The following ABL1 variants were observed in gnomAD, a reference collection of about 807,000 sequenced individuals.
ABL1 encodes ABL proto-oncogene 1, non-receptor tyrosine kinase, also known as tyrosine-protein kinase ABL1.
ABL1 carries 11 observed loss-of-function variants against 94.7 expected under a neutral mutation model. The observed-to-expected ratio is 0.12, with a 90% CI of 0.07 to 0.19. The LOEUF is 0.19. Among genes scored for constraint, ABL1 ranks in the 10% least tolerant of loss-of-function variants. The pLI is 1.00. For missense variants in ABL1, 1,082 were observed against 1,489.4 expected (o/e 0.73, Z 4.50); for synonymous variants, 656 against 622.4 (o/e 1.05, Z -0.80).
At chr9:130,760,225 G>C (rs1439200621) in intron 1 of ABL1, among the ~76,000 whole-genome samples, 1 of 152,034 alleles carries the variant, frequency 6.6e-6, no homozygotes, top group Non-Finnish European at 1.5e-5. Flanking sequence ...TGGTGCTGTT[G>C]GGATGTCATT....
chr9:130,809,099 C>T (rs1280420699), intron 1 of ABL1, among the ~76,000 whole-genome samples: 1 of 152,116 alleles, frequency 6.6e-6, no homozygotes, highest in Non-Finnish European at 1.5e-5. Context: ...CTAGAGTTCA[C>T]AGGCAGAGAA....
intron 1 of ABL1, among the ~76,000 whole-genome samples, chr9:130,805,329 C>T (rs934019687): frequency 1.3e-5 from 2 of 152,188 alleles, no homozygotes; most frequent in Non-Finnish European, 2.9e-5. Flanking sequence ...TCACCCACCT[C>T]GGCCTCCCAA....
intron 1 of ABL1, among the ~76,000 whole-genome samples, chr9:130,829,577 A>G (rs1275873683): frequency 8.6e-5 from 13 of 152,004 alleles, no homozygotes; most frequent in South Asian, 8.3e-4. Context: ...AAAAAAAAAA[A>G]AAAAAAAAGT....
chr9:130,851,382 T>C (rs541613555), intron 1 of ABL1, among the ~76,000 whole-genome samples: 1 of 152,302 alleles, frequency 6.6e-6, no homozygotes, highest in African/African-American at 2.4e-5. Context: ...AATTTAGGAC[T>C]TACCCTTTCA....
chr9:130,877,238 A>G (rs1243054516), intron 7 of ABL1, among the ~76,000 whole-genome samples: 1 of 148,488 alleles, frequency 6.7e-6, no homozygotes, highest in Non-Finnish European at 1.5e-5. Context: ...TCAAATGACA[A>G]GCTATTGCAG....
intron 1 of ABL1, among the ~76,000 whole-genome samples, chr9:130,818,339 G>T (rs1406133146): frequency 2.0e-5 from 3 of 152,108 alleles, no homozygotes; most frequent in South Asian, 2.1e-4. Flanking sequence ...ACATCGTGGC[G>T]CATGCCTGTA....
chr9:130,799,114 C>T (rs1161557227), intron 1 of ABL1, among the ~76,000 whole-genome samples: 1 of 151,974 alleles, frequency 6.6e-6, no homozygotes, highest in Non-Finnish European at 1.5e-5. Flanking sequence ...TCTGTAAAGC[C>T]AGGGGAGTCA....
chr9:130,728,410 G>A (rs1831618307), intron 1 of ABL1, among the ~76,000 whole-genome samples: 1 of 136,324 alleles, frequency 7.3e-6, no homozygotes, highest in South Asian at 2.4e-4. Flanking sequence ...TTTTGAGACA[G>A]TGTTTTGCTC....
chr9:130,743,282 A>C (rs534989074), intron 1 of ABL1, among the ~76,000 whole-genome samples: 1 of 152,316 alleles, frequency 6.6e-6, no homozygotes, highest in African/African-American at 2.4e-5. Flanking sequence ...CGTGTTAGCC[A>C]GGCTGGACTT....
At chr9:130,844,991 A>G (rs372389190) in intron 1 of ABL1, among the ~76,000 whole-genome samples, 16 of 152,346 alleles carry the variant, frequency 1.1e-4, no homozygotes, top group Admixed American at 4.6e-4. Flanking sequence ...CCAGACTCCC[A>G]GGGTCTTCCA....
At chr9:130,867,902 A>G (rs1294387242) in intron 4 of ABL1, among the ~76,000 whole-genome samples, 1 of 149,376 alleles carries the variant, frequency 6.7e-6, no homozygotes, top group Non-Finnish European at 1.5e-5. Flanking sequence ...TGGAGTGTGA[A>G]TCGCCTTCCT....
At chr9:130,812,956 G>A (rs1588248952) in intron 1 of ABL1, among the ~76,000 whole-genome samples, 1 of 152,352 alleles carries the variant, frequency 6.6e-6, no homozygotes, top group East Asian at 1.9e-4. Context: ...GCTCACGCCT[G>A]TAATCCCAGC....
chr9:130,846,730 T>C (rs1022064364), intron 1 of ABL1, among the ~76,000 whole-genome samples: 3 of 152,244 alleles, frequency 2.0e-5, no homozygotes, highest in Admixed American at 2.0e-4. Context: ...GGTACTGGGG[T>C]TCATGGGCAT....
chr9:130,716,025 TAC>T lies in ABL1; in HGVS notation c.136+1586_136+1587del, dbSNP rs3076833. On this transcript the variant is annotated intron_variant, in intron 1 of 10. Transcript: ENST00000372348. The stretch of plus-strand genomic sequence containing the variant: ...CAGTTAAACAAACTAAATATATATA[TAC>T]ACACACACACACACATATATATCCA... Among the ~76,000 whole-genome samples the T allele has an allele frequency of 8.2e-3, 1,188 of 144,904 alleles. 15 individuals are homozygous for T. Among genetic ancestry groups the T allele is most frequent in the African/African-American group, 0.027 (1,091 of 40,046 alleles).
chr9:130,819,119 C>T (rs1304099786), intron 1 of ABL1, among the ~76,000 whole-genome samples: 2 of 152,052 alleles, frequency 1.3e-5, no homozygotes, highest in African/African-American at 2.4e-5. Flanking sequence ...TTTGGGAGGC[C>T]GAGGCGGTTA....
chr9:130,735,035 G>A (rs1831716858), intron 1 of ABL1, among the ~76,000 whole-genome samples: 1 of 151,552 alleles, frequency 6.6e-6, no homozygotes, highest in African/African-American at 2.4e-5. Context: ...AACTTTTTTT[G>A]TTGTGTTTTT....
exon 1 of ABL1, among the ~76,000 whole-genome samples, chr9:130,713,498 C>T (rs1196170242): frequency 6.7e-6 from 1 of 149,494 alleles, no homozygotes; most frequent in Non-Finnish European, 1.5e-5. Flanking sequence ...CCAAGCCGCC[C>T]CTTATTCCGG....
intron 1 of ABL1, among the ~76,000 whole-genome samples, chr9:130,803,329 C>T (rs1192013499): frequency 1.3e-5 from 2 of 152,134 alleles, no homozygotes; most frequent in African/African-American, 4.8e-5. Context: ...AGAGCCACTG[C>T]GCCCAGCCGG....
chr9:130,731,977 C>G (rs1011235495), intron 1 of ABL1, among the ~76,000 whole-genome samples: 1 of 151,266 alleles, frequency 6.6e-6, no homozygotes, highest in Non-Finnish European at 1.5e-5. Flanking sequence ...TTTCAACTTT[C>G]AAAATACCTG....
Sources: allele counts gnomAD v4.1 joint callset (sites outside exome capture counted in the v4.1 genomes callset), GRCh38; gene constraint gnomAD v4.1.1; transcripts MANE v1.5; gene names NCBI Gene and HGNC (gene_info 2026-07-23, HGNC 2026-07-21).